The following STPG2 variants were observed in gnomAD, a reference collection of about 807,000 sequenced individuals.
STPG2 encodes sperm tail PG-rich repeat containing 2, also known as sperm-tail PG-rich repeat-containing protein 2.
A neutral mutation model predicts 54.2 loss-of-function variants in STPG2; 56 were observed. The observed-to-expected ratio is 1.03, with a 90% CI of 0.83 to 1.29. The LOEUF is 1.29. STPG2 is among the 50% of genes most tolerant of loss of function. STPG2 has a pLI of 0.00. For synonymous variants in STPG2, 200 were observed against 181.8 expected (o/e 1.10, Z -0.81); for missense variants, 596 against 544.9 (o/e 1.09, Z -0.93).
Position 97,506,323 on chromosome 4 carries a change from T to G in STPG2, c.462+206376A>C, listed in dbSNP as rs550757738. Among the ~76,000 whole-genome samples, 13 of 152,080 alleles carry G rather than the reference T, an allele frequency of 8.5e-5. 1 individual carries two copies. The East Asian group carries it at 2.5e-3, about 30-fold the overall frequency. ...AGAAATAGGATCAACAGTACAAAGA[T>G]GCATTAGAGACAAGGCTTACAGCTG... On this transcript the variant is annotated intron_variant, in intron 4 of 4. Transcript: ENST00000522676.
intron 9 of STPG2, among the ~76,000 whole-genome samples, chr4:97,797,487 C>T (rs926978835): frequency 7.2e-5 from 11 of 152,026 alleles, no homozygotes; most frequent in Admixed American, 2.6e-4. Flanking sequence ...TGCTGGATTA[C>T]GTTTATTGAT....
chr4:97,895,476 A>G (rs11731605), intron 8 of STPG2, among the ~76,000 whole-genome samples: 1 of 151,998 alleles, frequency 6.6e-6, no homozygotes, highest in East Asian at 1.9e-4. Context: ...TTATAAAGTC[A>G]TAATTATTCC....
At chr4:98,032,900 C>A (rs567471698) in intron 5 of STPG2, among the ~76,000 whole-genome samples, 1 of 152,144 alleles carries the variant, frequency 6.6e-6, no homozygotes, top group Admixed American at 6.5e-5. Context: ...CCAATGAGAA[C>A]AAAGACGCAT....
intron 10 of STPG2, among the ~76,000 whole-genome samples, chr4:97,695,241 AATCAGATGATC>A (rs1444151339): frequency 1.3e-5 from 2 of 152,192 alleles, no homozygotes; most frequent in African/African-American, 4.8e-5. Flanking sequence ...TAAAAACAAA[AATCAGATGATC>A]ATCTCAATAG....
chr4:97,471,556 T>C (rs1729928967), intron 4 of STPG2, among the ~76,000 whole-genome samples: 1 of 152,156 alleles, frequency 6.6e-6, no homozygotes, highest in African/African-American at 2.4e-5. Flanking sequence ...AATACTTCTC[T>C]GGAGATCCAT....
At chr4:97,866,713 C>T (rs923979232) in intron 8 of STPG2, among the ~76,000 whole-genome samples, 1 of 151,730 alleles carries the variant, frequency 6.6e-6, no homozygotes, top group Non-Finnish European at 1.5e-5. Context: ...ATTTTGGAGA[C>T]TATAAAGCTG....
At chr4:98,112,214 G>A (rs985980451) in intron 3 of STPG2, among the ~76,000 whole-genome samples, 5 of 152,168 alleles carry the variant, frequency 3.3e-5, no homozygotes, top group East Asian at 3.9e-4. Context: ...TGGTGAGCCC[G>A]TAAGATTATA....
intron 10 of STPG2, among the ~76,000 whole-genome samples, chr4:97,697,562 T>C (rs1373162904): frequency 6.6e-6 from 1 of 152,188 alleles, no homozygotes; most frequent in Non-Finnish European, 1.5e-5. Context: ...AGTAGCTCAC[T>C]GTGATAAAGC....
intron 9 of STPG2, among the ~76,000 whole-genome samples, chr4:97,751,979 AG>A (rs1301762932): frequency 6.6e-6 from 1 of 151,772 alleles, no homozygotes; most frequent in Non-Finnish European, 1.5e-5. Flanking sequence ...CGGACTCCCA[AG>A]TTCTAATCTG....
At chr4:97,641,029 A>G (rs1560699364) in intron 10 of STPG2, among the ~76,000 whole-genome samples, 1 of 151,680 alleles carries the variant, frequency 6.6e-6, no homozygotes, top group Non-Finnish European at 1.5e-5. Flanking sequence ...CCTACTTTCA[A>G]TAAATAAAGT....
Position 97,878,847 on chromosome 4 carries a change from T to C in STPG2, c.1045-37915A>G, listed in dbSNP as rs192369955. Among the ~76,000 whole-genome samples, 644 of 152,326 alleles carry C rather than the reference T, an allele frequency of 4.2e-3. 3 individuals are homozygous for C. The highest frequency in any genetic ancestry group is 0.024 in the South Asian group (117 of 4,830). ...TCAGAAAATGGGTTTTTCTTTTCTA[T>C]TGCTTCCTCAGGCTGCAAATTTTCT... On this transcript the variant is annotated intron_variant, in intron 8 of 10. Coordinates refer to ENST00000295268, the MANE Select transcript of STPG2 (RefSeq NM_174952.3).
At position 97,982,704 on chromosome 4, in the gene STPG2, C is replaced by T. The variant is rs1355847959; in HGVS notation, c.613-1386G>A. ...GTCCTTTAATGTAGGAACATTTCTA[C>T]AGCCTTCCTTTGTGTTTTGTGATTT... On this transcript the variant is annotated intron_variant, in intron 5 of 10. Coordinates refer to ENST00000295268, the MANE Select transcript of STPG2 (RefSeq NM_174952.3). Among the ~76,000 whole-genome samples the T allele has an allele frequency of 4.6e-5, 7 of 152,124 alleles. No homozygotes were observed. The East Asian group carries it at 1.3e-3, about 29-fold the overall frequency.
intron 8 of STPG2, among the ~76,000 whole-genome samples, chr4:97,923,020 T>C (rs1287320875): frequency 2.0e-5 from 3 of 152,236 alleles, no homozygotes; most frequent in Non-Finnish European, 4.4e-5. Context: ...TATATAAAAC[T>C]GTTAGTTTTC....
chr4:97,864,375 A>C (rs1729680413), intron 8 of STPG2, among the ~76,000 whole-genome samples: 1 of 152,178 alleles, frequency 6.6e-6, no homozygotes, highest in Non-Finnish European at 1.5e-5. Context: ...TAGGAATCCA[A>C]CTTACAAGGG....
At chr4:97,663,355 CAAAT>C (rs972695329) in intron 10 of STPG2, among the ~76,000 whole-genome samples, 9 of 151,952 alleles carry the variant, frequency 5.9e-5, no homozygotes, top group African/African-American at 1.7e-4. Context: ...ATTTAAAAAA[CAAAT>C]AATTACAGAT....
chr4:97,622,653 T>C (rs1029027164), intron 10 of STPG2, among the ~76,000 whole-genome samples: 3 of 152,020 alleles, frequency 2.0e-5, no homozygotes, highest in Admixed American at 2.0e-4. Context: ...CATGCTCAGA[T>C]AGGAAGCATC....
chr4:97,796,687 T>C (rs1230027157), intron 9 of STPG2, among the ~76,000 whole-genome samples: 1 of 152,112 alleles, frequency 6.6e-6, no homozygotes, highest in Non-Finnish European at 1.5e-5. Flanking sequence ...AATGCTGGCT[T>C]TTTCTTAGTT....
intron 7 of STPG2, among the ~76,000 whole-genome samples, chr4:97,948,433 T>C (rs912643024): frequency 5.9e-5 from 9 of 152,134 alleles, no homozygotes; most frequent in African/African-American, 2.2e-4. Context: ...TCTACTCTAA[T>C]CTTTGTTACT....
chr4:97,973,042 T>C (rs897866687), intron 6 of STPG2, among the ~76,000 whole-genome samples: 6 of 152,182 alleles, frequency 3.9e-5, no homozygotes, highest in Admixed American at 3.3e-4. Context: ...CCTGAAAATG[T>C]TGAAGCAACT....
Sources: gnomAD v4.1 joint callset for allele counts (sites outside exome capture counted in the v4.1 genomes callset) on GRCh38, gnomAD v4.1.1 for gene constraint, MANE v1.5 for transcripts, NCBI Gene and HGNC (gene_info 2026-07-23, HGNC 2026-07-21) for gene names.